Variants in RASGRF2 observed in about 807,000 individuals in gnomAD.
The protein encoded by RASGRF2 is Ras protein specific guanine nucleotide releasing factor 2, also known as ras-specific guanine nucleotide-releasing factor 2.
A neutral mutation model predicts 151.0 loss-of-function variants in RASGRF2; 76 were observed. The ratio of observed to expected loss-of-function variants is 0.50; its 90% CI spans 0.42 to 0.61. The LOEUF (loss-of-function observed/expected upper bound fraction) is 0.61, where lower values mean the gene tolerates loss of function less well. Ranked by LOEUF, RASGRF2 falls within the 20% of genes least tolerant of loss-of-function variation. The pLI is 0.00. For missense variants in RASGRF2, 1,148 were observed against 1,564.6 expected (o/e 0.73, Z 4.49); for synonymous variants, 504 against 566.5 (o/e 0.89, Z 1.57).
At chr5:81,198,776 G>A (rs1006519763) in intron 18 of RASGRF2, among the ~76,000 whole-genome samples, 2 of 152,182 alleles carry the variant, frequency 1.3e-5, no homozygotes, top group Non-Finnish European at 2.9e-5. Context: ...GTATTCCATG[G>A]TGTATGTATA....
At chr5:81,027,621 C>A (rs1750082730) in intron 1 of RASGRF2, among the ~76,000 whole-genome samples, 1 of 152,146 alleles carries the variant, frequency 6.6e-6, no homozygotes, top group African/African-American at 2.4e-5. Flanking sequence ...TCCCATCTGC[C>A]CTTGCTCAAA....
At chr5:81,136,802 C>A (rs905246194) in intron 17 of RASGRF2, among the ~76,000 whole-genome samples, 2 of 151,918 alleles carry the variant, frequency 1.3e-5, no homozygotes, top group African/African-American at 4.8e-5. Flanking sequence ...GGTTTTTTCC[C>A]CCTTTCCTTT....
intron 17 of RASGRF2, among the ~76,000 whole-genome samples, chr5:81,134,998 A>G (rs543896646): frequency 6.1e-4 from 93 of 152,016 alleles, no homozygotes; most frequent in African/African-American, 2.1e-3. Context: ...GTACCATACA[A>G]TTAACCTGTT....
At chr5:81,114,501 G>C (rs1753095754) in intron 15 of RASGRF2, among the ~76,000 whole-genome samples, 1 of 152,286 alleles carries the variant, frequency 6.6e-6, no homozygotes, top group East Asian at 1.9e-4. Flanking sequence ...AGCCAAAATA[G>C]TTTTTTTAAA....
intron 17 of RASGRF2, among the ~76,000 whole-genome samples, chr5:81,133,698 A>G (rs1348949771): frequency 6.6e-6 from 1 of 152,208 alleles, no homozygotes; most frequent in Non-Finnish European, 1.5e-5. Flanking sequence ...AGCAGATTAT[A>G]TGTTTTACTG....
intron 5 of RASGRF2, among the ~76,000 whole-genome samples, chr5:81,078,170 A>T (rs1751990893): frequency 2.0e-5 from 3 of 152,316 alleles, no homozygotes; most frequent in Middle Eastern, 3.4e-3. Flanking sequence ...TTATAGTTTG[A>T]TATAAGCATA....
intron 19 of RASGRF2, among the ~76,000 whole-genome samples, chr5:81,205,338 G>A (rs1755482200): frequency 6.6e-6 from 1 of 152,192 alleles, no homozygotes. Flanking sequence ...CAGAGTAAAG[G>A]AAGGGCCCAC....
At chr5:81,134,404 C>T (rs1042427653) in intron 17 of RASGRF2, among the ~76,000 whole-genome samples, 10 of 151,852 alleles carry the variant, frequency 6.6e-5, no homozygotes, top group Non-Finnish European at 1.0e-4. Context: ...TCACCTTGGA[C>T]GGTTTCTCTC....
At chr5:81,200,324 ATCTG>A (rs957689714) in intron 18 of RASGRF2, among the ~76,000 whole-genome samples, 1 of 151,962 alleles carries the variant, frequency 6.6e-6, no homozygotes, top group African/African-American at 2.4e-5. Flanking sequence ...CCTTTTTAAA[ATCTG>A]TCTGTCTTTG....
chr5:81,207,840 G>T (rs778379552), intron 21 of RASGRF2, among the ~76,000 whole-genome samples: 1 of 152,198 alleles, frequency 6.6e-6, no homozygotes, highest in East Asian at 1.9e-4. Context: ...CCTCCTGAGC[G>T]CTGGGGAGAA....
intron 17 of RASGRF2, among the ~76,000 whole-genome samples, chr5:81,134,565 T>C (rs956058113): frequency 6.6e-6 from 1 of 152,182 alleles, no homozygotes; most frequent in African/African-American, 2.4e-5. Context: ...TGAATCAGCA[T>C]TTCTGAGGAT....
In RASGRF2 at chr5:81,081,791, G is replaced by T. The variant is rs749677734; in HGVS notation, c.1161+1002G>T. On this transcript the variant is annotated intron_variant, in intron 7 of 26. Transcript: ENST00000265080. ...CCTGCTCGAAATCCTGGAAGTTGCC[G>T]TAGAAGTTTAGTCAGATTTTTAACC... Among the ~76,000 whole-genome samples the T allele has an allele frequency of 1.2e-4, 19 of 152,294 alleles. No individual in the cohort carries two copies. The South Asian group carries it at 3.7e-3, about 30-fold the overall frequency.
At chr5:81,065,071 T>G (rs950774466) in intron 2 of RASGRF2, among the ~76,000 whole-genome samples, 1 of 152,114 alleles carries the variant, frequency 6.6e-6, no homozygotes, top group Non-Finnish European at 1.5e-5. Context: ...TGAATGAACT[T>G]GGAATAGGAT....
At chr5:80,990,838 C>T (rs1748626002) in intron 1 of RASGRF2, among the ~76,000 whole-genome samples, 1 of 152,148 alleles carries the variant, frequency 6.6e-6, no homozygotes, top group African/African-American at 2.4e-5. Context: ...GCTGACTGTT[C>T]TAGTACATGA....
At chr5:81,056,639 T>G (rs958515348) in intron 2 of RASGRF2, among the ~76,000 whole-genome samples, 4 of 152,216 alleles carry the variant, frequency 2.6e-5, no homozygotes, top group Admixed American at 2.6e-4. Flanking sequence ...AGATGTCTAT[T>G]AGGTCTGCTT....
intron 15 of RASGRF2, 39 bp from the exon 16 acceptor site, chr5:81,123,603 C>T (rs1338947129): frequency 1.9e-6 from 3 of 1,595,538 alleles, no homozygotes; most frequent in Middle Eastern, 1.7e-4. Context: ...CTCTTGAATT[C>T]ATGGCCTGGT....
chr5:81,031,908 C>T (rs1487323355), intron 1 of RASGRF2, among the ~76,000 whole-genome samples: 1 of 151,766 alleles, frequency 6.6e-6, no homozygotes, highest in Non-Finnish European at 1.5e-5. Context: ...GCTAGCAAGA[C>T]TAATAAAGAA....
chr5:81,198,716 G>A (rs1233034037), intron 18 of RASGRF2, among the ~76,000 whole-genome samples: 1 of 152,238 alleles, frequency 6.6e-6, no homozygotes, highest in Non-Finnish European at 1.5e-5. Context: ...TGGGATTACA[G>A]GCGTGAGCCA....
chr5:81,078,090 A>G (rs1200375918), intron 5 of RASGRF2, among the ~76,000 whole-genome samples: 3 of 152,182 alleles, frequency 2.0e-5, no homozygotes, highest in African/African-American at 7.2e-5. Context: ...GATACATTTT[A>G]TGGTTACATA....
Sources: gnomAD v4.1 joint callset for allele counts (sites outside exome capture counted in the v4.1 genomes callset) on GRCh38, gnomAD v4.1.1 for gene constraint, MANE v1.5 for transcripts, NCBI Gene and HGNC (gene_info 2026-07-23, HGNC 2026-07-21) for gene names.